The following ATP13A3 variants were observed in gnomAD, a reference collection of about 807,000 sequenced individuals.
ATP13A3 encodes ATPase 13A3, also known as polyamine-transporting ATPase 13A3.
A neutral mutation model predicts 158.1 loss-of-function variants in ATP13A3; 59 were observed. The ratio of observed to expected loss-of-function variants is 0.37; its 90% CI spans 0.30 to 0.46. The LOEUF is 0.46. Ranked by LOEUF, ATP13A3 falls within the 20% of genes least tolerant of loss-of-function variation. The pLI is 1.00. For missense variants in ATP13A3, 1,166 were observed against 1,525.2 expected (o/e 0.76, Z 3.92); for synonymous variants, 491 against 504.3 (o/e 0.97, Z 0.35).
At chr3:194,456,325 CTTAT>C (rs563132475) in intron 7 of ATP13A3, among the ~76,000 whole-genome samples, 219 of 140,564 alleles carry the variant, frequency 1.6e-3, no homozygotes, top group Non-Finnish European at 2.6e-3. Flanking sequence ...TTTGAGGGAT[CTTAT>C]TTTTTTTTTA....
chr3:194,430,225 T>C, intron 25 of ATP13A3, 44 bp from the exon 26 acceptor site: 1 of 1,613,368 alleles, frequency 6.2e-7, no homozygotes. Flanking sequence ...GAATATGATT[T>C]AGGCTAGAGT....
intron 20 of ATP13A3, 22 bp from the exon 21 acceptor site, chr3:194,433,918 C>G (rs755997283): frequency 6.2e-7 from 1 of 1,609,104 alleles, no homozygotes; most frequent in East Asian, 2.2e-5. Flanking sequence ...GAAGTTTTAA[C>G]ACATAATGGT....
intron 2 of ATP13A3, among the ~76,000 whole-genome samples, chr3:194,470,722 A>G (rs1245040553): frequency 6.6e-6 from 1 of 152,228 alleles, no homozygotes; most frequent in Non-Finnish European, 1.5e-5. Context: ...ACTTTCCCCT[A>G]AATTGTTAAA....
intron 15 of ATP13A3, among the ~76,000 whole-genome samples, chr3:194,443,967 A>G (rs1718221079): frequency 6.6e-6 from 1 of 151,274 alleles, no homozygotes; most frequent in Admixed American, 6.6e-5. Flanking sequence ...CCAAAATGTG[A>G]AAAGATGCTC....
At chr3:194,415,661 C>CTGTTTTTTTTTTTTTT (rs1208643552) in intron 31 of ATP13A3, among the ~76,000 whole-genome samples, 18 of 90,926 alleles carry the variant, frequency 2.0e-4, no homozygotes, top group East Asian at 1.3e-3. Flanking sequence ...ATACCACATT[C>CTGTTTTTTTTTTTTTT]TTTTTTTTTT....
intron 6 of ATP13A3, among the ~76,000 whole-genome samples, chr3:194,457,881 G>C (rs1394702173): frequency 2.6e-5 from 4 of 151,704 alleles, no homozygotes; most frequent in African/African-American, 9.7e-5. Flanking sequence ...CGCCTCCTGG[G>C]TTCAAGCCAT....
At chr3:194,474,354 C>T (rs56379824) in intron 2 of ATP13A3, among the ~76,000 whole-genome samples, 6,666 of 152,126 alleles carry the variant, frequency 0.044, 365 homozygotes, top group African/African-American at 0.13. Flanking sequence ...GAGGTCTCTT[C>T]ATCTTGCCAG....
intron 2 of ATP13A3, among the ~76,000 whole-genome samples, chr3:194,471,465 T>C (rs1046707770): frequency 1.3e-5 from 2 of 152,084 alleles, no homozygotes; most frequent in Non-Finnish European, 1.5e-5. Flanking sequence ...GCAATTCTCT[T>C]GCCTCGGCCT....
chr3:194,435,784 G>A (rs1041914558), intron 20 of ATP13A3, among the ~76,000 whole-genome samples: 1 of 152,202 alleles, frequency 6.6e-6, no homozygotes, highest in Non-Finnish European at 1.5e-5. Flanking sequence ...GTGTGCACCT[G>A]TAGTTCCAGC....
chr3:194,487,619 C>T (rs1032314709), upstream of ATP13A3: 11 of 152,298 alleles, frequency 7.2e-5, no homozygotes, highest in African/African-American at 2.4e-4. Context: ...TTCCGACCGT[C>T]CTGGATGCAA....
chr3:194,433,390 C>G (rs1717383272), intron 21 of ATP13A3, among the ~76,000 whole-genome samples: 3 of 151,860 alleles, frequency 2.0e-5, no homozygotes, highest in African/African-American at 7.3e-5. Flanking sequence ...ACTACAGGCA[C>G]CCGCCACCGC....
At chr3:194,408,096 T>C (rs1337243298) in intron 33 of ATP13A3, among the ~76,000 whole-genome samples, 2 of 151,352 alleles carry the variant, frequency 1.3e-5, no homozygotes, top group Non-Finnish European at 2.9e-5. Context: ...CTAAGCTCAC[T>C]GCAACCACTG....
At chr3:194,421,446 G>A (rs553411939) in intron 30 of ATP13A3, among the ~76,000 whole-genome samples, 3 of 149,726 alleles carry the variant, frequency 2.0e-5, no homozygotes, top group Admixed American at 6.7e-5. Context: ...CCAGCTTCTC[G>A]GGAGGCTGAG....
intron 28 of ATP13A3, among the ~76,000 whole-genome samples, chr3:194,428,196 G>C (rs1716949134): frequency 6.8e-6 from 1 of 147,430 alleles, no homozygotes; most frequent in African/African-American, 2.6e-5. Flanking sequence ...ACTCCAGCCT[G>C]GGTGACAGAG....
intron 3 of ATP13A3, 76 bp from the exon 4 acceptor site, chr3:194,460,907 C>A (rs1476432215): frequency 9.1e-6 from 13 of 1,436,066 alleles, no homozygotes; most frequent in Middle Eastern, 1.8e-4. Flanking sequence ...TTCCAAAGTT[C>A]TTTGTTTTCC....
intron 10 of ATP13A3, among the ~76,000 whole-genome samples, chr3:194,453,349 T>C (rs547952012): frequency 4.0e-5 from 6 of 151,590 alleles, no homozygotes; most frequent in Admixed American, 3.9e-4. Context: ...TCCCAACACT[T>C]TGGGAGGCCC....
At chr3:194,442,026 C>T (rs1178639006) in intron 15 of ATP13A3, among the ~76,000 whole-genome samples, 2 of 152,128 alleles carry the variant, frequency 1.3e-5, no homozygotes, top group Non-Finnish European at 2.9e-5. Flanking sequence ...TGTTTTATTA[C>T]CCCCATTATA....
Position 194,446,948 on chromosome 3 carries a change from G to C in ATP13A3, c.1476C>G (p.Leu492=). 1 of 1,610,720 alleles carries C rather than the reference G, an allele frequency of 6.2e-7. No individual in the cohort carries two copies. Among genetic ancestry groups the C allele is most frequent in the Non-Finnish European group, 8.5e-7 (1 of 1,179,406 alleles). ...CCACCTTGTCAAAGCAAACAAGATT[G>C]AGCTGTCCACAAATATTTATTCTTT... ...SPQRINICGQ[L]NLVCFDKTGT... Residue 492 remains leucine (L), a synonymous_variant, in exon 14 of 34, where the codon CTC becomes CTG. Transcript: ENST00000645319.
chr3:194,421,444 T>C (rs1377345606), intron 30 of ATP13A3, among the ~76,000 whole-genome samples: 2 of 148,578 alleles, frequency 1.3e-5, no homozygotes, highest in African/African-American at 2.5e-5. Flanking sequence ...TCCCAGCTTC[T>C]CGGGAGGCTG....
Sources: allele counts gnomAD v4.1 joint callset (sites outside exome capture counted in the v4.1 genomes callset), GRCh38; gene constraint gnomAD v4.1.1; transcripts MANE v1.5; gene names NCBI Gene and HGNC (gene_info 2026-07-23, HGNC 2026-07-21).